The following DCDC1 variants were observed in gnomAD, a reference collection of about 807,000 sequenced individuals.
The protein encoded by DCDC1 is doublecortin domain containing 1.
A neutral mutation model predicts 178.3 loss-of-function variants in DCDC1; 200 were observed. The ratio of observed to expected loss-of-function variants is 1.12; its 90% confidence interval spans 1.00 to 1.26. DCDC1 has a LOEUF of 1.26. Ranked by LOEUF, DCDC1 falls within the 50% of genes most tolerant of loss-of-function variation. DCDC1 has a pLI of 0.00. For synonymous variants in DCDC1, 690 were observed against 604.8 expected (o/e 1.14, Z -2.07); for missense variants, 1,983 against 1,749.2 (o/e 1.13, Z -2.38).
intron 12 of DCDC1, among the ~76,000 whole-genome samples, chr11:31,110,010 C>G (rs1959100862): frequency 6.6e-6 from 1 of 151,938 alleles, no homozygotes; most frequent in African/African-American, 2.4e-5. Context: ...AAAACCAGGG[C>G]CAAGCATAGA....
chr11:31,227,170 G>A (rs117762387), intron 9 of DCDC1, among the ~76,000 whole-genome samples: 1 of 152,136 alleles, frequency 6.6e-6, no homozygotes, highest in Non-Finnish European at 1.5e-5. Flanking sequence ...ATAAAGGAAT[G>A]ACAGAGGTTG....
chr11:31,331,760 T>C (rs1295533405), intron 2 of DCDC1, among the ~76,000 whole-genome samples: 3 of 152,120 alleles, frequency 2.0e-5, no homozygotes, highest in African/African-American at 7.2e-5. Context: ...CTTTTTGATG[T>C]GCTGCTGGAT....
intron 20 of DCDC1, among the ~76,000 whole-genome samples, chr11:31,034,372 T>TA (rs1291708741): frequency 1.3e-5 from 2 of 152,146 alleles, no homozygotes; most frequent in East Asian, 3.9e-4. Context: ...TACTGTAGCC[T>TA]AAGTGAACGT....
At chr11:31,160,005 G>T (rs541979583) in intron 9 of DCDC1, among the ~76,000 whole-genome samples, 4 of 152,128 alleles carry the variant, frequency 2.6e-5, no homozygotes, top group Admixed American at 6.5e-5. Flanking sequence ...AGCAATGCTT[G>T]AGAATTTAAC....
chr11:31,028,254 T>C (rs1456801396), intron 20 of DCDC1, among the ~76,000 whole-genome samples: 2 of 151,910 alleles, frequency 1.3e-5, no homozygotes, highest in East Asian at 3.9e-4. Flanking sequence ...CATGAGATTG[T>C]TTTTGAATAA....
intron 9 of DCDC1, among the ~76,000 whole-genome samples, chr11:31,231,865 AG>A (rs1975811813): frequency 6.6e-6 from 1 of 152,252 alleles, no homozygotes; most frequent in Admixed American, 6.5e-5. Context: ...AAACAAAATA[AG>A]GAAAACACTT....
intron 20 of DCDC1, among the ~76,000 whole-genome samples, chr11:30,956,855 C>T (rs974917523): frequency 5.9e-5 from 9 of 152,154 alleles, no homozygotes; most frequent in Non-Finnish European, 8.8e-5. Context: ...GCTGGGCCAT[C>T]TCACTGCATT....
intron 9 of DCDC1, among the ~76,000 whole-genome samples, chr11:31,233,014 G>A (rs1292267266): frequency 6.6e-6 from 1 of 152,002 alleles, no homozygotes; most frequent in African/African-American, 2.4e-5. Context: ...CTTGAATCTG[G>A]GAGGTGGAGG....
At chr11:31,168,011 A>C (rs1393503484) in intron 9 of DCDC1, among the ~76,000 whole-genome samples, 1 of 152,164 alleles carries the variant, frequency 6.6e-6, no homozygotes, top group Non-Finnish European at 1.5e-5. Context: ...TCATAGGCAC[A>C]CACATGCATG....
chr11:31,088,113 A>G (rs187993408), intron 17 of DCDC1, among the ~76,000 whole-genome samples: 17 of 152,144 alleles, frequency 1.1e-4, no homozygotes, highest in Admixed American at 8.5e-4. Flanking sequence ...ACTTTATCTG[A>G]TATTAATATA....
intron 20 of DCDC1, among the ~76,000 whole-genome samples, chr11:31,018,042 A>G (rs746399759): frequency 6.6e-6 from 1 of 152,172 alleles, no homozygotes; most frequent in Non-Finnish European, 1.5e-5. Context: ...ACTTAGTTTT[A>G]ATAACTGTCA....
chr11:31,254,161 G>C (rs1204669713), intron 8 of DCDC1, among the ~76,000 whole-genome samples: 1 of 152,158 alleles, frequency 6.6e-6, no homozygotes, highest in African/African-American at 2.4e-5. Flanking sequence ...TTGAATAGAT[G>C]GAGAATTGGA....
chr11:30,903,800 G>T, intron 31 of DCDC1, 117 bp from the exon 32 acceptor site: 1 of 950,882 alleles, frequency 1.1e-6, no homozygotes, highest in Non-Finnish European at 1.5e-6. Flanking sequence ...TGAGAAAATA[G>T]AAAGCTGAAT....
At chr11:31,315,701 T>A (rs1265968142) in intron 3 of DCDC1, among the ~76,000 whole-genome samples, 3 of 127,524 alleles carry the variant, frequency 2.4e-5, no homozygotes, top group African/African-American at 9.8e-5. Context: ...CATGTGCATA[T>A]TGTGCAGGTT....
chr11:30,985,861 A>T (rs1053654338), intron 20 of DCDC1, among the ~76,000 whole-genome samples: 18 of 152,142 alleles, frequency 1.2e-4, no homozygotes, highest in Non-Finnish European at 1.8e-4. Context: ...ATTATGACAA[A>T]TTTTTTTAAT....
At chr11:31,046,127 G>GC (rs1374338533) in intron 20 of DCDC1, among the ~76,000 whole-genome samples, 1 of 152,042 alleles carries the variant, frequency 6.6e-6, no homozygotes, top group Non-Finnish European at 1.5e-5. Context: ...CACGTTGCTT[G>GC]CCCCTGGAAA....
intron 20 of DCDC1, among the ~76,000 whole-genome samples, chr11:30,997,303 T>C (rs1232766749): frequency 6.6e-6 from 1 of 152,220 alleles, no homozygotes. Context: ...CATAGAACTG[T>C]ATGCTGAAGA....
intron 20 of DCDC1, among the ~76,000 whole-genome samples, chr11:30,956,795 A>G (rs964814576): frequency 6.6e-6 from 1 of 152,156 alleles, no homozygotes; most frequent in Non-Finnish European, 1.5e-5. Context: ...AGTGTTGACA[A>G]CTACTCTTTT....
chr11:31,273,468 C>A (rs567796971), intron 7 of DCDC1, among the ~76,000 whole-genome samples: 2 of 152,250 alleles, frequency 1.3e-5, no homozygotes, highest in South Asian at 4.1e-4. Flanking sequence ...TAAAATATAA[C>A]AAGTCACCTT....
Sources: allele counts gnomAD v4.1 joint callset (sites outside exome capture counted in the v4.1 genomes callset), GRCh38; gene constraint gnomAD v4.1.1; transcripts MANE v1.5; gene names NCBI Gene and HGNC (gene_info 2026-07-23, HGNC 2026-07-21).